The following TSPAN12 variants were observed in gnomAD, a reference collection of about 807,000 sequenced individuals.
TSPAN12 encodes the protein tetraspanin 12.
In TSPAN12, 19 loss-of-function variants were observed where a neutral mutation model predicts 39.2. That is an observed-to-expected ratio of 0.49 (90% confidence interval 0.34 to 0.71). The LOEUF is 0.71. TSPAN12 is among the 30% of genes least tolerant of loss of function. TSPAN12 has a pLI of 0.01. For missense variants in TSPAN12, 314 were observed against 359.9 expected (o/e 0.87, Z 1.03); for synonymous variants, 119 against 124.8 (o/e 0.95, Z 0.31).
At chr7:120,806,800 G>T in intron 6 of TSPAN12, 108 bp from the exon 7 acceptor site, 1 of 1,314,312 alleles carries the variant, frequency 7.6e-7, no homozygotes, top group South Asian at 1.2e-5. Flanking sequence ...AGCTATATCT[G>T]TCATCACCTA....
intron 4 of TSPAN12, among the ~76,000 whole-genome samples, chr7:120,832,600 C>CTG (rs1425046984): frequency 6.6e-6 from 1 of 152,100 alleles, no homozygotes; most frequent in Non-Finnish European, 1.5e-5. Flanking sequence ...GCTCCTGATT[C>CTG]TGGGTTCCCA....
intron 5 of TSPAN12, chr7:120,814,327 T>C (rs891800492): frequency 2.2e-6 from 1 of 452,828 alleles, no homozygotes; most frequent in African/African-American, 2.0e-5. Flanking sequence ...CCAGGGAACT[T>C]GTCACAGATG....
At chr7:120,833,003 T>G (rs917649541) in intron 4 of TSPAN12, among the ~76,000 whole-genome samples, 1 of 152,166 alleles carries the variant, frequency 6.6e-6, no homozygotes, top group African/African-American at 2.4e-5. Flanking sequence ...TAGTGAAACC[T>G]GCATGGTCTT....
At chr7:120,835,876 G>A (rs1310158398) in intron 4 of TSPAN12, among the ~76,000 whole-genome samples, 1 of 152,196 alleles carries the variant, frequency 6.6e-6, no homozygotes, top group Non-Finnish European at 1.5e-5. Flanking sequence ...AAGAATAAAT[G>A]TAGAGAAGAA....
At chr7:120,830,290 GA>G (rs1312100757) in intron 4 of TSPAN12, among the ~76,000 whole-genome samples, 1 of 151,408 alleles carries the variant, frequency 6.6e-6, no homozygotes, top group East Asian at 1.9e-4. Flanking sequence ...ACAGAAACAG[GA>G]AAAAAAATCC....
intron 5 of TSPAN12, among the ~76,000 whole-genome samples, chr7:120,812,501 T>A (rs910439395): frequency 1.3e-5 from 2 of 152,212 alleles, no homozygotes; most frequent in African/African-American, 4.8e-5. Context: ...ATTAGGATTA[T>A]TATGAAATCT....
chr7:120,856,317 C>A (rs759716112), intron 2 of TSPAN12, among the ~76,000 whole-genome samples: 1 of 152,064 alleles, frequency 6.6e-6, no homozygotes, highest in African/African-American at 2.4e-5. Flanking sequence ...ATTTTACAGG[C>A]GACAGAGATG....
chr7:120,828,647 T>G (rs1001231278), intron 4 of TSPAN12, among the ~76,000 whole-genome samples: 1 of 150,230 alleles, frequency 6.7e-6, no homozygotes, highest in African/African-American at 2.4e-5. Context: ...AGTGTTTTTT[T>G]CTTTCTCCTT....
intron 2 of TSPAN12, among the ~76,000 whole-genome samples, chr7:120,841,514 C>T (rs1019847819): frequency 6.6e-6 from 1 of 152,002 alleles, no homozygotes; most frequent in African/African-American, 2.4e-5. Flanking sequence ...GGTTTGGATC[C>T]CGATTCAAAC....
intron 4 of TSPAN12, among the ~76,000 whole-genome samples, chr7:120,833,768 T>C (rs540166910): frequency 6.6e-6 from 1 of 152,288 alleles, no homozygotes; most frequent in African/African-American, 2.4e-5. Flanking sequence ...ATCATAAACA[T>C]GTCTGTTCAA....
chr7:120,837,397 C>T (rs1195420451), intron 4 of TSPAN12, among the ~76,000 whole-genome samples: 4 of 151,560 alleles, frequency 2.6e-5, no homozygotes, highest in Non-Finnish European at 4.4e-5. Context: ...CTGCAACCTC[C>T]GCCTCCCGGG....
At chr7:120,836,089 TC>T (rs1794471109) in intron 4 of TSPAN12, among the ~76,000 whole-genome samples, 1 of 152,154 alleles carries the variant, frequency 6.6e-6, no homozygotes, top group Admixed American at 6.5e-5. Context: ...AACTTGGGCA[TC>T]CCAGAGGAGG....
At chr7:120,832,004 CAAAT>C (rs137936900) in intron 4 of TSPAN12, among the ~76,000 whole-genome samples, 30,761 of 151,536 alleles carry the variant, frequency 0.2, 3,309 homozygotes, top group African/African-American at 0.22. Flanking sequence ...GCTAACAAGT[CAAAT>C]AAAGTACATG....
chr7:120,848,065 T>C (rs1370965937), intron 2 of TSPAN12, among the ~76,000 whole-genome samples: 2 of 152,170 alleles, frequency 1.3e-5, no homozygotes, highest in African/African-American at 2.4e-5. Flanking sequence ...TCCCAGTGCC[T>C]ATACATCTTC....
At chr7:120,800,109 C>A (rs534203382) in intron 7 of TSPAN12, among the ~76,000 whole-genome samples, 44 of 151,762 alleles carry the variant, frequency 2.9e-4, no homozygotes, top group African/African-American at 1.1e-3. Flanking sequence ...GGTTATAAAA[C>A]AAATATCATT....
At chr7:120,815,588 T>C in intron 5 of TSPAN12, 141 bp downstream of exon 5, 1 of 793,922 alleles carries the variant, frequency 1.3e-6, no homozygotes. Flanking sequence ...TCCCCAGCCA[T>C]GCTGAACTGT....
chr7:120,844,716 A>G (rs556669648), intron 2 of TSPAN12, among the ~76,000 whole-genome samples: 2 of 152,322 alleles, frequency 1.3e-5, no homozygotes, highest in East Asian at 3.9e-4. Flanking sequence ...CGCAGGGTAC[A>G]GTCCCTGTGG....
chr7:120,819,532 T>C (rs1794148223), intron 4 of TSPAN12, among the ~76,000 whole-genome samples: 1 of 152,154 alleles, frequency 6.6e-6, no homozygotes, highest in African/African-American at 2.4e-5. Context: ...GAACACTGAT[T>C]TGTTTGACTT....
chr7:120,856,735 A>G lies in TSPAN12; in HGVS notation c.29T>C (p.Leu10Pro). The change falls in exon 2 of 8, where the codon CTG (leucine) becomes CCG (proline). Residue 10 changes from leucine to proline, a missense_variant. Coordinates refer to ENST00000222747, the MANE Select transcript of TSPAN12 (RefSeq NM_012338.4). MAREDSVKCLRCLLYALNLL... is the reference protein window; with the variant it reads MAREDSVKCPRCLLYALNLL... ...ATTGAGGGCGTAGAGCAGGCAGCGC[A>G]GACACTTCACGGAATCTTCTCTGGC... The G allele has an allele frequency of 6.2e-7, 1 of 1,614,244 alleles. No homozygotes were observed. Among genetic ancestry groups the G allele is most frequent in the Non-Finnish European group, 8.5e-7 (1 of 1,180,040 alleles).
Sources: gnomAD v4.1 joint callset for allele counts (sites outside exome capture counted in the v4.1 genomes callset) on GRCh38, gnomAD v4.1.1 for gene constraint, MANE v1.5 for transcripts, NCBI Gene and HGNC (gene_info 2026-07-23, HGNC 2026-07-21) for gene names.